AGMO: variants seen among roughly 807,000 people sequenced by gnomAD.
AGMO encodes alkylglycerol monooxygenase.
AGMO carries 75 observed loss-of-function variants against 60.2 expected under a neutral mutation model. That is an observed-to-expected ratio of 1.25 (90% CI 1.03 to 1.51). The LOEUF is 1.51. Among genes scored for constraint, AGMO ranks in the 40% most tolerant of loss-of-function variants. The probability of loss-of-function intolerance (pLI) is 0.00; values close to 1 mark genes in which losing one functional copy is unlikely to be tolerated. For missense variants in AGMO, 763 were observed against 525.5 expected (o/e 1.45, Z -4.42); for synonymous variants, 261 against 177.1 (o/e 1.47, Z -3.76).
chr7:15,531,500 C>T (rs1562557450), intron 3 of AGMO, among the ~76,000 whole-genome samples: 1 of 33,716 alleles, frequency 3.0e-5, no homozygotes, highest in Non-Finnish European at 5.4e-5. Context: ...TATATATATT[C>T]TATATATATT....
chr7:15,229,408 T>TA (rs1428061984), intron 12 of AGMO, among the ~76,000 whole-genome samples: 1 of 150,982 alleles, frequency 6.6e-6, no homozygotes, highest in Non-Finnish European at 1.5e-5. Context: ...TAAAATAAAA[T>TA]AAATAAAAGC....
At chr7:15,390,611 TTAACTA>T (rs1275905393) in intron 8 of AGMO, 54 bp downstream of exon 8, 27 of 1,330,204 alleles carry the variant, frequency 2.0e-5, no homozygotes, top group East Asian at 4.7e-5. Flanking sequence ...GATTTTTCTC[TTAACTA>T]TAAGATTTAT....
chr7:15,509,299 C>T (rs1309876601), intron 3 of AGMO, among the ~76,000 whole-genome samples: 9 of 151,580 alleles, frequency 5.9e-5, no homozygotes, highest in Non-Finnish European at 1.2e-4. Context: ...TTTTCAACAA[C>T]ACCAAAAATA....
At chr7:15,520,707 G>C (rs1460994669) in intron 3 of AGMO, among the ~76,000 whole-genome samples, 2 of 152,164 alleles carry the variant, frequency 1.3e-5, no homozygotes, top group African/African-American at 4.8e-5. Flanking sequence ...GCAGTGTCTA[G>C]AGGAAAATTT....
At chr7:15,144,923 G>A in the AGMO span, among the ~76,000 whole-genome samples, 1 of 152,160 alleles carries the variant, frequency 6.6e-6, no homozygotes, top group African/African-American at 2.4e-5. Flanking sequence ...TCCGCCTTCC[G>A]GGTTCACGCC....
rs1482903510 is a variant in AGMO at position 15,394,166 on chromosome 7, A to G, written c.623T>C (p.Leu208Pro). 1.2e-6 allele frequency: 2 copies of G among 1,609,670 alleles called. No individual in the cohort carries two copies. Among genetic ancestry groups the G allele is most frequent in the Admixed American group, 1.7e-5 (1 of 59,966 alleles). The part of the protein sequence containing the change: ...FWIHTEVINN[L>P]GPLELILNTP... ...ATTAAGAATCAGTTCCAAAGGACCA[A>G]GGTTATTGATGACCTGTTTAAAACA... The change falls in exon 6 of 13, where the codon CTT becomes CCT. Residue 208 changes from leucine (L) to proline (P), a missense_variant. Coordinates refer to ENST00000342526, the MANE Select transcript of AGMO (RefSeq NM_001004320.2).
intron 10 of AGMO, 65 bp from the exon 11 acceptor site, chr7:15,366,287 T>G: frequency 7.7e-7 from 1 of 1,292,136 alleles, no homozygotes; most frequent in Non-Finnish European, 1.1e-6. Flanking sequence ...CACGAACGGT[T>G]AAAGCTTACA....
At chr7:15,272,421 T>C (rs1254247192) in intron 12 of AGMO, among the ~76,000 whole-genome samples, 1 of 151,856 alleles carries the variant, frequency 6.6e-6, no homozygotes, top group Non-Finnish European at 1.5e-5. Context: ...AGAAAGATAG[T>C]TTCCAGCTTC....
At chr7:15,433,067 T>C (rs1177934377) in intron 3 of AGMO, among the ~76,000 whole-genome samples, 1 of 152,128 alleles carries the variant, frequency 6.6e-6, no homozygotes, top group African/African-American at 2.4e-5. Context: ...TTATGACTTA[T>C]AAACCTTCAT....
At chr7:15,350,572 G>GTACA in intron 12 of AGMO, among the ~76,000 whole-genome samples, 1 of 152,214 alleles carries the variant, frequency 6.6e-6, no homozygotes, top group African/African-American at 2.4e-5. Flanking sequence ...GTCAGAGAGA[G>GTACA]TAGATTTCTG....
intron 12 of AGMO, among the ~76,000 whole-genome samples, chr7:15,275,012 T>C (rs762600449): frequency 6.6e-6 from 1 of 152,096 alleles, no homozygotes; most frequent in African/African-American, 2.4e-5. Flanking sequence ...ATTTTGTTGA[T>C]CTTTTGTACC....
the AGMO span, among the ~76,000 whole-genome samples, chr7:15,121,157 T>C: frequency 6.6e-6 from 1 of 152,166 alleles, no homozygotes; most frequent in African/African-American, 2.4e-5. Flanking sequence ...AAATTCATTC[T>C]TTTTTATGGC....
the AGMO span, among the ~76,000 whole-genome samples, chr7:15,191,888 C>T: frequency 6.6e-6 from 1 of 151,750 alleles, no homozygotes; most frequent in Non-Finnish European, 1.5e-5. Flanking sequence ...TTATGAATGG[C>T]TTACATAGGT....
intron 12 of AGMO, among the ~76,000 whole-genome samples, chr7:15,254,620 G>T (rs1783043896): frequency 6.6e-6 from 1 of 151,874 alleles, no homozygotes; most frequent in Non-Finnish European, 1.5e-5. Flanking sequence ...ATAAAATCTG[G>T]ATGTTATCCC....
At chr7:15,443,189 G>A (rs1280376174) in intron 3 of AGMO, among the ~76,000 whole-genome samples, 1 of 152,168 alleles carries the variant, frequency 6.6e-6, no homozygotes, top group East Asian at 1.9e-4. Flanking sequence ...TGATGAGGCC[G>A]GGGGTCTAAA....
intron 12 of AGMO, among the ~76,000 whole-genome samples, chr7:15,238,337 G>A (rs1782488642): frequency 6.6e-6 from 1 of 151,750 alleles, no homozygotes; most frequent in South Asian, 2.1e-4. Flanking sequence ...ATAAGTTATA[G>A]TATTCAAAAG....
intron 3 of AGMO, among the ~76,000 whole-genome samples, chr7:15,433,845 T>C (rs1343271203): frequency 6.6e-6 from 1 of 152,050 alleles, no homozygotes; most frequent in Non-Finnish European, 1.5e-5. Flanking sequence ...GTGCCAAATG[T>C]AATTCTGTAT....
intron 5 of AGMO, chr7:15,396,540 A>G (rs898158996): frequency 6.6e-6 from 1 of 152,228 alleles, no homozygotes; most frequent in African/African-American, 2.4e-5. Context: ...CAAAAGAACA[A>G]AGCTACCACA....
At chr7:15,228,613 A>C (rs1157948821) in intron 12 of AGMO, among the ~76,000 whole-genome samples, 1 of 152,200 alleles carries the variant, frequency 6.6e-6, no homozygotes, top group Non-Finnish European at 1.5e-5. Context: ...TTAAGAGAAA[A>C]GGAGGAAGGA....
Sources: allele counts gnomAD v4.1 joint callset (sites outside exome capture counted in the v4.1 genomes callset), GRCh38; gene constraint gnomAD v4.1.1; transcripts MANE v1.5; gene names NCBI Gene and HGNC (gene_info 2026-07-23, HGNC 2026-07-21).